CNTN6: variants seen among roughly 807,000 people sequenced by gnomAD.
CNTN6 encodes contactin 6.
A neutral mutation model predicts 122.8 loss-of-function variants in CNTN6; 137 were observed. The observed-to-expected ratio is 1.12, with a 90% confidence interval of 0.97 to 1.29. CNTN6 has a LOEUF of 1.29. Among genes scored for constraint, CNTN6 ranks in the 50% most tolerant of loss-of-function variants. The pLI, the probability that CNTN6 is intolerant of heterozygous loss-of-function variation, is 0.00. For missense variants in CNTN6, 1,634 were observed against 1,223.4 expected (o/e 1.34, Z -5.01); for synonymous variants, 570 against 426.0 (o/e 1.34, Z -4.16).
intron 4 of CNTN6, among the ~76,000 whole-genome samples, chr3:1,248,617 T>G (rs1231803254): frequency 6.6e-6 from 1 of 152,070 alleles, no homozygotes; most frequent in Non-Finnish European, 1.5e-5. Flanking sequence ...TTCAGGAGTT[T>G]GAGACTAGGT....
chr3:1,385,564 A>T, intron 19 of CNTN6, 47 bp from the exon 20 acceptor site: 2 of 1,443,250 alleles, frequency 1.4e-6, no homozygotes, highest in African/African-American at 1.4e-5. Flanking sequence ...AATGATTGAT[A>T]GTTATTGGGG....
At chr3:1,314,690 T>C (rs1699849406) in intron 7 of CNTN6, among the ~76,000 whole-genome samples, 1 of 151,926 alleles carries the variant, frequency 6.6e-6, no homozygotes, top group Non-Finnish European at 1.5e-5. Context: ...TGTAAAAGCA[T>C]AAAGACATGA....
chr3:1,335,530 A>G (rs543647637), intron 11 of CNTN6, among the ~76,000 whole-genome samples: 20 of 152,198 alleles, frequency 1.3e-4, no homozygotes, highest in South Asian at 4.2e-4. Flanking sequence ...ACTGCTGTCT[A>G]CCTATTCAGG....
At chr3:1,391,818 G>C (rs1216833396) in intron 20 of CNTN6, among the ~76,000 whole-genome samples, 14 of 151,502 alleles carry the variant, frequency 9.2e-5, no homozygotes, top group African/African-American at 3.4e-4. Context: ...GCTTCAAAGA[G>C]AATAAAATAC....
Position 1,204,515 on chromosome 3 carries a change from C to T in CNTN6, c.56-16172C>T, listed in dbSNP as rs184958835. On this transcript the variant is annotated intron_variant, in intron 2 of 22. Coordinates refer to ENST00000446702, the MANE Select transcript of CNTN6 (RefSeq NM_001289080.2). ...TAAATAATCCAAACTGAAATACATA[C>T]ATACAAACAATTTCTCTACCTCCTG... 3.9e-4 allele frequency among the ~76,000 whole-genome samples: 60 copies of T among 152,190 alleles called. 1 individual carries two copies. The Middle Eastern group carries it at 0.014, about 35-fold the overall frequency.
intron 4 of CNTN6, among the ~76,000 whole-genome samples, chr3:1,239,940 AC>A (rs1489155758): frequency 6.6e-6 from 1 of 152,206 alleles, no homozygotes; most frequent in Non-Finnish European, 1.5e-5. Context: ...ATCCTATTCA[AC>A]AAATGGTGCT....
In CNTN6 at chr3:1,103,007, G is replaced by A. The variant is rs555265414; in HGVS notation, c.-83+9887G>A. ...TGTGGTCCCAGCTACTCGGGAGGCTGAGGCAGGAGAATGGCGGGAACCCGG... is the reference window on the plus strand; with the variant it reads ...TGTGGTCCCAGCTACTCGGGAGGCTAAGGCAGGAGAATGGCGGGAACCCGG... On this transcript the variant is annotated intron_variant, in intron 1 of 22. Transcript: ENST00000446702. Among the ~76,000 whole-genome samples the A allele has an allele frequency of 2.1e-3, 322 of 151,450 alleles. 1 individual carries two copies. The highest frequency in any genetic ancestry group is 7.3e-3 in the African/African-American group (301 of 41,244).
intron 16 of CNTN6, among the ~76,000 whole-genome samples, chr3:1,376,412 C>T (rs1709874507): frequency 6.6e-6 from 1 of 151,980 alleles, no homozygotes; most frequent in African/African-American, 2.4e-5. Flanking sequence ...AGAACCTCTC[C>T]CAGTCGCATT....
chr3:1,302,290 A>G (rs1697569442), intron 7 of CNTN6, among the ~76,000 whole-genome samples: 1 of 152,126 alleles, frequency 6.6e-6, no homozygotes, highest in South Asian at 2.1e-4. Context: ...TAATCCTTCT[A>G]AATCTTCCTG....
chr3:1,325,982 CCTACTCTACTAGGT>C (rs1559830211), intron 9 of CNTN6, 31 bp downstream of exon 9: 1 of 1,589,696 alleles, frequency 6.3e-7, no homozygotes, highest in Non-Finnish European at 8.6e-7. Flanking sequence ...TAAAAGTTTA[CCTACTCTACTAGGT>C]AAATTTTGTT....
intron 1 of CNTN6, among the ~76,000 whole-genome samples, chr3:1,146,700 A>G (rs1046568429): frequency 6.6e-6 from 1 of 152,120 alleles, no homozygotes; most frequent in African/African-American, 2.4e-5. Flanking sequence ...CATTAACACC[A>G]TAGTGCCCAT....
chr3:1,265,122 C>T (rs912997367), intron 4 of CNTN6, among the ~76,000 whole-genome samples: 4 of 139,800 alleles, frequency 2.9e-5, no homozygotes, highest in Non-Finnish European at 6.2e-5. Context: ...TATCTATTCA[C>T]CTGATGATGG....
chr3:1,331,627 A>G (rs538665632), intron 11 of CNTN6, among the ~76,000 whole-genome samples: 2 of 151,940 alleles, frequency 1.3e-5, no homozygotes, highest in African/African-American at 4.8e-5. Flanking sequence ...ACAGAAAAAC[A>G]TAAGAGATCC....
intron 4 of CNTN6, among the ~76,000 whole-genome samples, chr3:1,242,243 G>C (rs898109730): frequency 3.3e-5 from 5 of 152,156 alleles, no homozygotes; most frequent in African/African-American, 1.2e-4. Flanking sequence ...TGAAAGCAAA[G>C]AGAGGCTGGG....
chr3:1,236,319 C>T (rs907875426), intron 4 of CNTN6, among the ~76,000 whole-genome samples: 1 of 152,134 alleles, frequency 6.6e-6, no homozygotes, highest in African/African-American at 2.4e-5. Flanking sequence ...ACCAAGGACC[C>T]TCACAGAGTT....
intron 1 of CNTN6, among the ~76,000 whole-genome samples, chr3:1,120,362 T>C (rs2125057363): frequency 6.6e-6 from 1 of 152,102 alleles, no homozygotes; most frequent in African/African-American, 2.4e-5. Flanking sequence ...CATCAGTGTT[T>C]GGCATGGTCA....
At chr3:1,233,528 G>A (rs1428111278) in intron 4 of CNTN6, among the ~76,000 whole-genome samples, 2 of 152,030 alleles carry the variant, frequency 1.3e-5, no homozygotes, top group Non-Finnish European at 2.9e-5. Context: ...AAGGTCAGGA[G>A]TTTGAGACCA....
At chr3:1,141,372 G>C (rs186601001) in intron 1 of CNTN6, among the ~76,000 whole-genome samples, 99 of 152,272 alleles carry the variant, frequency 6.5e-4, no homozygotes, top group South Asian at 1.2e-3. Flanking sequence ...TGTAAATAAG[G>C]GGAGAACGAA....
intron 2 of CNTN6, among the ~76,000 whole-genome samples, chr3:1,159,825 T>C (rs879652761): frequency 3.8e-5 from 4 of 104,176 alleles, no homozygotes; most frequent in Non-Finnish European, 7.5e-5. Flanking sequence ...TTTGTTTTTC[T>C]TTTTCCCCCC....
Sources: allele counts gnomAD v4.1 joint callset (sites outside exome capture counted in the v4.1 genomes callset), GRCh38; gene constraint gnomAD v4.1.1; transcripts MANE v1.5; gene names NCBI Gene and HGNC (gene_info 2026-07-23, HGNC 2026-07-21).